FAM234A: variants seen among roughly 807,000 people sequenced by gnomAD.
FAM234A encodes family with sequence similarity 234 member A, also known as protein FAM234A.
Under a neutral mutation model 49.1 loss-of-function variants are expected in FAM234A, and 42 were observed. The ratio of observed to expected loss-of-function variants is 0.86; its 90% CI spans 0.67 to 1.11. The LOEUF (loss-of-function observed/expected upper bound fraction) is 1.11. Ranked by LOEUF, FAM234A falls within the 50% of genes least tolerant of loss-of-function variation. FAM234A has a pLI of 0.00. For synonymous variants in FAM234A, 369 were observed against 316.2 expected (o/e 1.17, Z -1.77); for missense variants, 815 against 745.2 (o/e 1.09, Z -1.09).
At chr16:264,514 C>A in intron 11 of FAM234A, 100 bp from the exon 12 acceptor site, 2 of 909,140 alleles carry the variant, frequency 2.2e-6, no homozygotes, top group Non-Finnish European at 1.7e-6. Context: ...AGATAGGGCC[C>A]CTAGCAGACA....
intron 3 of FAM234A, among the ~76,000 whole-genome samples, chr16:255,803 G>C (rs1165905669): frequency 6.6e-6 from 1 of 152,026 alleles, no homozygotes; most frequent in Non-Finnish European, 1.5e-5. Flanking sequence ...AGCTGGGATT[G>C]CAGGCATGCA....
chr16:258,375 T>G (rs1412468721), intron 3 of FAM234A, among the ~76,000 whole-genome samples: 1 of 152,148 alleles, frequency 6.6e-6, no homozygotes, highest in Non-Finnish European at 1.5e-5. Flanking sequence ...CATGCTGCCT[T>G]CAAGCATCTG....
At chr16:248,443 C>A (rs1293622256) in intron 1 of FAM234A, 1 of 151,886 alleles carries the variant, frequency 6.6e-6, no homozygotes, top group East Asian at 1.9e-4. Context: ...TAGAAGCCAC[C>A]TTATAACTCG....
intron 6 of FAM234A, among the ~76,000 whole-genome samples, chr16:261,750 GT>G (rs1381081451): frequency 5.9e-5 from 9 of 152,368 alleles, no homozygotes; most frequent in Middle Eastern, 3.4e-3. Flanking sequence ...CTTCCCATTT[GT>G]GCTGTTGCAG....
rs1304432132 is a variant in FAM234A at position 260,103 on chromosome 16, T to G, written c.520T>G (p.Ser174Ala). ...CCAGCCAAGAGGCAGTGAGGCACCT[T>G]CTGCCTGCATCCTGGTGGGCAGACC... ...VPQPRGSEAPSACILVGRPSS... is the reference protein window; with the variant it reads ...VPQPRGSEAPAACILVGRPSS... The change falls in exon 5 of 13, where the codon TCT (serine) becomes GCT (alanine). Residue 174 changes from serine (S) to alanine (A), a missense_variant. Physicochemically the swap from Ser to Ala is moderately conservative, Grantham distance 99. Transcript: ENST00000399932. 2 of 1,613,788 alleles carry G rather than the reference T, an allele frequency of 1.2e-6. No individual in the cohort carries two copies. Among genetic ancestry groups the G allele is most frequent in the African/African-American group, 2.7e-5 (2 of 74,932 alleles).
chr16:268,812 G>C (rs1288838219), downstream of FAM234A: 1 of 1,550,256 alleles, frequency 6.5e-7, no homozygotes. Context: ...CTCTTGGACG[G>C]GGCAGAGCTC....
intron 1 of FAM234A, among the ~76,000 whole-genome samples, chr16:246,174 C>G (rs2050795147): frequency 6.6e-6 from 1 of 151,342 alleles, no homozygotes. Flanking sequence ...AAGATCACGC[C>G]ATTGTACTCC....
At chr16:260,478 C>T (rs1371374177) in intron 5 of FAM234A, 5 of 502,554 alleles carry the variant, frequency 9.9e-6, no homozygotes, top group South Asian at 3.2e-5. Flanking sequence ...CCGGCTGCTC[C>T]TGGGGTGTCA....
chr16:244,185 G>T (rs536425930), intron 1 of FAM234A, among the ~76,000 whole-genome samples: 3 of 152,084 alleles, frequency 2.0e-5, no homozygotes, highest in African/African-American at 2.4e-5. Context: ...AGCTAGGATG[G>T]TCTCGATCTC....
At chr16:240,164 G>A (rs1353723489) in intron 1 of FAM234A, 1 of 152,152 alleles carries the variant, frequency 6.6e-6, no homozygotes, top group African/African-American at 2.4e-5. Context: ...CATTTCTTAA[G>A]TCATTTGTGT....
chr16:260,241 C>T (rs2051406143), intron 5 of FAM234A, 81 bp downstream of exon 5: 18 of 1,305,112 alleles, frequency 1.4e-5, no homozygotes, highest in Admixed American at 1.7e-5. Flanking sequence ...GCCAGGAGGC[C>T]GCGACGAGGC....
At position 262,491 on chromosome 16, in the gene FAM234A, C is replaced by G. The variant is rs1181371255; in HGVS notation, c.909C>G (p.Phe303Leu). ...AGGTGACCGGGAGCGGCGGCCCGTTCAAGAGTGACCCGCACTGGGAGAGCA... is the reference window on the plus strand; with the variant it reads ...AGGTGACCGGGAGCGGCGGCCCGTTGAAGAGTGACCCGCACTGGGAGAGCA... ...YEKVTGSGGP[F>L]KSDPHWESML... The change falls in exon 8 of 13, where the codon TTC (phenylalanine) becomes TTG (leucine). Residue 303 changes from phenylalanine (F) to leucine (L), a missense_variant. Coordinates refer to ENST00000399932, the MANE Select transcript of FAM234A (RefSeq NM_032039.4). 3 of 1,612,926 alleles carry G rather than the reference C, an allele frequency of 1.9e-6. No individual in the cohort carries two copies. The highest frequency in any genetic ancestry group is 2.2e-5 in the South Asian group (2 of 90,936).
chr16:261,296 G>A (rs1298824958), intron 5 of FAM234A, 88 bp from the exon 6 acceptor site: 1 of 1,492,790 alleles, frequency 6.7e-7, no homozygotes, highest in South Asian at 1.2e-5. Flanking sequence ...GCCTCAACAG[G>A]AGCCTGCCTG....
intron 3 of FAM234A, among the ~76,000 whole-genome samples, chr16:256,412 C>T (rs796814850): frequency 1.1e-4 from 16 of 152,220 alleles, no homozygotes; most frequent in African/African-American, 3.4e-4. Flanking sequence ...TTAGAATCTC[C>T]CAGTGACTGA....
At chr16:244,259 C>T (rs558928468) in intron 1 of FAM234A, among the ~76,000 whole-genome samples, 38 of 152,306 alleles carry the variant, frequency 2.5e-4, no homozygotes, top group East Asian at 9.6e-4. Context: ...TGAGCCACCG[C>T]GCCCGGTCGG....
chr16:258,518 G>T (rs1440074176), intron 3 of FAM234A, among the ~76,000 whole-genome samples: 1 of 152,196 alleles, frequency 6.6e-6, no homozygotes, highest in Non-Finnish European at 1.5e-5. Context: ...AGTTTTCTTA[G>T]TACAGAACAA....
intron 2 of FAM234A, among the ~76,000 whole-genome samples, chr16:252,639 T>C (rs1419475102): frequency 6.6e-6 from 1 of 152,228 alleles, no homozygotes; most frequent in Admixed American, 6.5e-5. Flanking sequence ...ATGTTCTGAT[T>C]TCTCCACATC....
chr16:254,365 T>G lies in FAM234A; in HGVS notation c.-33-16T>G. 1 of 1,603,756 alleles carries G rather than the reference T, an allele frequency of 6.2e-7. No individual in the cohort carries two copies. Among genetic ancestry groups the G allele is most frequent in the Non-Finnish European group, 8.5e-7 (1 of 1,174,034 alleles). On this transcript the variant is annotated splice_polypyrimidine_tract_variant and intron_variant, in intron 2 of 12. Transcript: ENST00000399932. ...GGGACTGCTGGCCTCGCCGACCTCTTGCTTTATCGACACAGTGACCAGGAG... is the reference window on the plus strand; with the variant it reads ...GGGACTGCTGGCCTCGCCGACCTCTGGCTTTATCGACACAGTGACCAGGAG...
intron 3 of FAM234A, among the ~76,000 whole-genome samples, chr16:255,361 A>C (rs1458385718): frequency 6.6e-6 from 1 of 152,104 alleles, no homozygotes; most frequent in African/African-American, 2.4e-5. Flanking sequence ...GAATATTTCC[A>C]TCATCCCTAA....
Sources: gnomAD v4.1 joint callset for allele counts (sites outside exome capture counted in the v4.1 genomes callset) on GRCh38, gnomAD v4.1.1 for gene constraint, MANE v1.5 for transcripts, NCBI Gene and HGNC (gene_info 2026-07-23, HGNC 2026-07-21) for gene names.